Variants in SYNE2 observed in about 807,000 individuals in gnomAD.
SYNE2 encodes the protein nesprin-2.
A neutral mutation model predicts 856.3 loss-of-function variants in SYNE2; 431 were observed. That is an observed-to-expected ratio of 0.50 (90% CI 0.47 to 0.55). SYNE2 has a LOEUF of 0.55. SYNE2 is among the 20% of genes least tolerant of loss of function. The pLI is 0.00. For missense variants in SYNE2, 8,129 were observed against 8,023.2 expected (o/e 1.01, Z -0.50); for synonymous variants, 2,923 against 2,872.3 (o/e 1.02, Z -0.56).
chr14:64,066,540 T>G (rs2097359957), intron 51 of SYNE2, among the ~76,000 whole-genome samples: 2 of 152,182 alleles, frequency 1.3e-5, no homozygotes, highest in African/African-American at 2.4e-5. Context: ...AAAATTATCT[T>G]AGGATGAAAT....
At chr14:64,171,913 C>T (rs952347406) in intron 94 of SYNE2, among the ~76,000 whole-genome samples, 7 of 152,236 alleles carry the variant, frequency 4.6e-5, no homozygotes, top group African/African-American at 1.2e-4. Flanking sequence ...TGCAGTGTTG[C>T]GATCTTGGCT....
chr14:63,879,163 C>T (rs967076917), intron 1 of SYNE2, among the ~76,000 whole-genome samples: 9 of 152,112 alleles, frequency 5.9e-5, no homozygotes, highest in African/African-American at 2.2e-4. Context: ...CATGACCTAC[C>T]CCAACCTTGA....
intron 30 of SYNE2, among the ~76,000 whole-genome samples, chr14:64,003,678 CCA>C (rs1263540339): frequency 6.6e-6 from 1 of 152,150 alleles, no homozygotes; most frequent in Non-Finnish European, 1.5e-5. Flanking sequence ...CTGGCAGACT[CCA>C]CGCTGTGATA....
intron 51 of SYNE2, among the ~76,000 whole-genome samples, chr14:64,067,316 A>T (rs1266312967): frequency 1.3e-5 from 2 of 152,228 alleles, no homozygotes; most frequent in African/African-American, 2.4e-5. Context: ...TATTTTTATT[A>T]TCCTTACTTT....
rs1233091964 is a variant in SYNE2, at chr14:64,224,884, G to T, written c.20470-115G>T. The T allele has an allele frequency of 7.3e-6, 7 of 965,186 alleles. No individual in the cohort carries two copies. The East Asian group carries it at 1.8e-4, about 25-fold the overall frequency. 59.8% of individuals were successfully genotyped at this position (965,186 alleles called of 1,614,324 possible). A position where few individuals can be genotyped will look rare whatever the true frequency, so the allele number is the denominator to read the frequency against. On this transcript the variant is annotated intron_variant, in intron 114 of 115. Coordinates refer to ENST00000555002, the MANE Select transcript of SYNE2 (RefSeq NM_182914.3). ...TGTATTACTCTAGTCTCCAAAGTTT[G>T]GCTGTAACACAACATAAAGGTGGTA...
At chr14:63,945,534 G>T (rs2096012413) in intron 6 of SYNE2, among the ~76,000 whole-genome samples, 1 of 152,082 alleles carries the variant, frequency 6.6e-6, no homozygotes, top group African/African-American at 2.4e-5. Context: ...ATATCCAATT[G>T]TATGAATATA....
intron 45 of SYNE2, among the ~76,000 whole-genome samples, chr14:64,033,680 T>A (rs982181333): frequency 1.3e-5 from 2 of 152,082 alleles, no homozygotes; most frequent in African/African-American, 4.8e-5. Context: ...AGCAAGACCC[T>A]GTCTCAAGAA....
rs2153670816 is a variant in SYNE2 at position 64,125,074 on chromosome 14, A to G, written c.13423-5A>G. The G allele has an allele frequency of 6.2e-7, 1 of 1,614,140 alleles. No homozygotes were observed. Among genetic ancestry groups the G allele is most frequent in the Non-Finnish European group, 8.5e-7 (1 of 1,179,998 alleles). On this transcript the variant is annotated splice_region_variant and splice_polypyrimidine_tract_variant and intron_variant, in intron 70 of 115. Coordinates refer to ENST00000555002, the MANE Select transcript of SYNE2 (RefSeq NM_182914.3). ...TCAGTAATAGGGTTTTCCTTTGTCA[A>G]ATAGGTTTCCACAAATATGGGTATT...
At chr14:63,821,828 C>G (rs1165022943) in intron 1 of SYNE2, among the ~76,000 whole-genome samples, 3 of 151,964 alleles carry the variant, frequency 2.0e-5, no homozygotes, top group African/African-American at 7.2e-5. Flanking sequence ...TAAAAATTGT[C>G]CAAATCAAAT....
At chr14:64,154,495 G>A (rs927376834) in intron 85 of SYNE2, among the ~76,000 whole-genome samples, 2 of 151,942 alleles carry the variant, frequency 1.3e-5, no homozygotes, top group African/African-American at 4.8e-5. Flanking sequence ...ATGACCAAAT[G>A]GAAAAAATGG....
rs1385357542 is a variant in SYNE2 at position 63,980,738 on chromosome 14, G to A, written c.1648+6G>A. On this transcript the variant is annotated splice_donor_region_variant and intron_variant, in intron 15 of 115. Coordinates refer to ENST00000555002, the MANE Select transcript of SYNE2 (RefSeq NM_182914.3). ...AGAAATTTATAAGAATTTGGGTAAAGTGGTTCAGTTACTTTCTGATGGAAT... is the reference window on the plus strand; with the variant it reads ...AGAAATTTATAAGAATTTGGGTAAAATGGTTCAGTTACTTTCTGATGGAAT... 1.3e-6 allele frequency: 2 copies of A among 1,572,350 alleles called. No individual in the cohort carries two copies. Among genetic ancestry groups the A allele is most frequent in the Non-Finnish European group, 8.8e-7 (1 of 1,142,684 alleles).
intron 1 of SYNE2, among the ~76,000 whole-genome samples, chr14:63,836,568 G>T (rs141295715): frequency 6.6e-6 from 1 of 152,188 alleles, no homozygotes; most frequent in East Asian, 1.9e-4. Context: ...GCACCTACTT[G>T]ATTCCTTTCC....
chr14:64,201,585 A>G (rs576141579), intron 99 of SYNE2, among the ~76,000 whole-genome samples: 18 of 152,288 alleles, frequency 1.2e-4, no homozygotes, highest in African/African-American at 4.3e-4. Context: ...GGCAGGGACT[A>G]TTGAAGGCTT....
chr14:64,087,354 A>G, intron 57 of SYNE2: 1 of 516,784 alleles, frequency 1.9e-6, no homozygotes, highest in Non-Finnish European at 3.8e-6. Flanking sequence ...TTTGAAAGTT[A>G]TTACATGTAT....
At chr14:63,788,925 C>G (rs1485052542) in intron 1 of SYNE2, among the ~76,000 whole-genome samples, 2 of 152,176 alleles carry the variant, frequency 1.3e-5, no homozygotes, top group Non-Finnish European at 2.9e-5. Context: ...TTTATTGCAG[C>G]ACTGTTCACA....
intron 110 of SYNE2, 41 bp downstream of exon 110, chr14:64,219,451 G>T: frequency 6.3e-7 from 1 of 1,584,528 alleles, no homozygotes. Flanking sequence ...TTCAGAATGT[G>T]CATGTGAACG....
chr14:64,148,294 G>T (rs144805022), intron 84 of SYNE2, among the ~76,000 whole-genome samples: 2 of 152,134 alleles, frequency 1.3e-5, no homozygotes, highest in Non-Finnish European at 1.5e-5. Flanking sequence ...CAGCCTGGGT[G>T]ACAAAGCAAG....
At chr14:63,872,693 CA>C (rs1397256170) in intron 1 of SYNE2, among the ~76,000 whole-genome samples, 1 of 136,606 alleles carries the variant, frequency 7.3e-6, no homozygotes, top group Non-Finnish European at 1.5e-5. Context: ...AACCGGGAGG[CA>C]GAGGCTGCAG....
At chr14:63,950,073 C>T (rs2096126088) in intron 7 of SYNE2, 67 bp downstream of exon 7, 6 of 1,495,064 alleles carry the variant, frequency 4.0e-6, no homozygotes, top group Non-Finnish European at 5.6e-6. Context: ...CACCTCACCA[C>T]CCAAACACCT....
Sources: allele counts gnomAD v4.1 joint callset (sites outside exome capture counted in the v4.1 genomes callset), GRCh38; gene constraint gnomAD v4.1.1; transcripts MANE v1.5; gene names NCBI Gene and HGNC (gene_info 2026-07-23, HGNC 2026-07-21).